RAP1GDS1: variants seen among roughly 807,000 people sequenced by gnomAD.
RAP1GDS1 encodes the protein RAP1, GTP-GDP dissociation stimulator 1.
Under a neutral mutation model 71.1 loss-of-function variants are expected in RAP1GDS1, and 35 were observed. That is an observed-to-expected ratio of 0.49 (90% CI 0.38 to 0.65). The LOEUF is 0.65. Ranked by LOEUF, RAP1GDS1 falls within the 30% of genes least tolerant of loss-of-function variation. RAP1GDS1 has a pLI of 0.00. For missense variants in RAP1GDS1, 663 were observed against 706.1 expected, an observed-to-expected ratio of 0.94 and a Z score of 0.69; for synonymous variants, 229 against 243.1, an observed-to-expected ratio of 0.94 and a Z score of 0.54.
chr4:98,379,301 A>G lies in RAP1GDS1; in HGVS notation c.508+138A>G, dbSNP rs538066994. On this transcript the variant is annotated intron_variant, in intron 5 of 14. Transcript: ENST00000408927. The stretch of plus-strand genomic sequence containing the variant: ...CATATAAAATTAATAATTAGCCAAC[A>G]TTAAATTTCAATGTTTCAAAAATGT... 35 of 915,014 alleles carry G rather than the reference A, an allele frequency of 3.8e-5. 1 individual carries two copies. In the South Asian group the frequency reaches 9.2e-4, roughly 24 times the overall value. 56.7% of individuals were successfully genotyped at this position (915,014 alleles called of 1,614,324 possible).
At chr4:98,429,921 A>G (rs1487034255) in intron 12 of RAP1GDS1, among the ~76,000 whole-genome samples, 1 of 152,016 alleles carries the variant, frequency 6.6e-6, no homozygotes, top group Non-Finnish European at 1.5e-5. Context: ...TACATAACCA[A>G]ACCATTCATG....
intron 1 of RAP1GDS1, among the ~76,000 whole-genome samples, chr4:98,291,367 A>G (rs1176461848): frequency 6.6e-6 from 1 of 152,218 alleles, no homozygotes; most frequent in Non-Finnish European, 1.5e-5. Flanking sequence ...ATCTCTACTT[A>G]CTGCCTCATT....
In RAP1GDS1 at chr4:98,261,428, C is replaced by T; in HGVS notation, c.-138C>T. 1 of 726,388 alleles carries T rather than the reference C, an allele frequency of 1.4e-6. No homozygotes were observed. Among genetic ancestry groups the T allele is most frequent in the Middle Eastern group, 4.6e-4 (1 of 2,186 alleles). The allele number at this position is 726,388 out of a possible 1,614,324, so 45.0% of individuals were successfully genotyped here. ...GCGCCGCCTGCAGCAGCACCAGCTG[C>T]TCCTCCCCGGCGGCCGCCCCCCGCG... On this transcript the variant is annotated 5_prime_UTR_variant, in exon 1 of 15. Transcript: ENST00000408927.
At chr4:98,333,974 C>T (rs1479587251) in intron 2 of RAP1GDS1, among the ~76,000 whole-genome samples, 1 of 152,094 alleles carries the variant, frequency 6.6e-6, no homozygotes, top group African/African-American at 2.4e-5. Flanking sequence ...AAATATAATC[C>T]TGTCTGACCA....
At chr4:98,418,550 T>TA in intron 9 of RAP1GDS1, 107 bp from the exon 10 acceptor site, 1 of 999,264 alleles carries the variant, frequency 1.0e-6, no homozygotes, top group Non-Finnish European at 1.3e-6. Flanking sequence ...TTCATTTTAT[T>TA]GTATAGCTCC....
chr4:98,437,790 T>C (rs1751346574), intron 14 of RAP1GDS1, among the ~76,000 whole-genome samples: 1 of 133,358 alleles, frequency 7.5e-6, no homozygotes, highest in Non-Finnish European at 1.6e-5. Context: ...AGACTCTGTC[T>C]CAAAAAAAAA....
At chr4:98,385,261 AT>A (rs919379177) in intron 5 of RAP1GDS1, among the ~76,000 whole-genome samples, 41 of 151,806 alleles carry the variant, frequency 2.7e-4, no homozygotes, top group African/African-American at 9.9e-4. Flanking sequence ...GCTTACCTAT[AT>A]TTAAAAATAA....
chr4:98,400,678 G>A (rs1180758420), intron 6 of RAP1GDS1, among the ~76,000 whole-genome samples: 1 of 152,058 alleles, frequency 6.6e-6, no homozygotes, highest in Non-Finnish European at 1.5e-5. Flanking sequence ...GATAACTATC[G>A]TTGACAATAA....
intron 1 of RAP1GDS1, among the ~76,000 whole-genome samples, chr4:98,288,558 T>G (rs1046799005): frequency 3.3e-5 from 5 of 152,154 alleles, no homozygotes; most frequent in East Asian, 1.9e-4. Context: ...GTAATGGGAT[T>G]GCTGGGTCAA....
At chr4:98,351,526 T>C (rs1043854047) in intron 3 of RAP1GDS1, among the ~76,000 whole-genome samples, 17 of 152,272 alleles carry the variant, frequency 1.1e-4, no homozygotes, top group Non-Finnish European at 1.8e-4. Context: ...GTGATTTTTT[T>C]AGTAGGACAG....
At chr4:98,432,774 G>T (rs1314905844) in intron 12 of RAP1GDS1, among the ~76,000 whole-genome samples, 3 of 152,010 alleles carry the variant, frequency 2.0e-5, no homozygotes, top group Non-Finnish European at 2.9e-5. Flanking sequence ...TGAAAATAGA[G>T]AAAATTATTT....
chr4:98,371,423 A>G (rs1740367919), intron 4 of RAP1GDS1, among the ~76,000 whole-genome samples: 1 of 151,758 alleles, frequency 6.6e-6, no homozygotes, highest in Non-Finnish European at 1.5e-5. Flanking sequence ...TTGTTGAATT[A>G]ACCCTTTTGT....
chr4:98,310,591 C>A (rs988882268), intron 2 of RAP1GDS1, among the ~76,000 whole-genome samples: 9 of 152,116 alleles, frequency 5.9e-5, no homozygotes, highest in Non-Finnish European at 1.3e-4. Context: ...ACCAGAAGTA[C>A]TGCATGTAAA....
chr4:98,300,185 T>G (rs1214816556), intron 2 of RAP1GDS1, among the ~76,000 whole-genome samples: 1 of 152,140 alleles, frequency 6.6e-6, no homozygotes, highest in Non-Finnish European at 1.5e-5. Flanking sequence ...CCACCTAACC[T>G]TCAGCAACCA....
intron 2 of RAP1GDS1, among the ~76,000 whole-genome samples, chr4:98,326,804 G>A (rs1217922433): frequency 6.6e-6 from 1 of 152,112 alleles, no homozygotes; most frequent in African/African-American, 2.4e-5. Context: ...GTGAGCCATG[G>A]TGATTTTGGT....
chr4:98,426,468 A>G (rs779903301), intron 12 of RAP1GDS1, among the ~76,000 whole-genome samples: 1 of 152,094 alleles, frequency 6.6e-6, no homozygotes, highest in Non-Finnish European at 1.5e-5. Flanking sequence ...TAAGATTGAT[A>G]GACCATAACC....
intron 5 of RAP1GDS1, among the ~76,000 whole-genome samples, chr4:98,388,336 A>T (rs1743073648): frequency 6.6e-6 from 1 of 152,152 alleles, no homozygotes; most frequent in East Asian, 1.9e-4. Context: ...CCAAGCTTTT[A>T]TCTAATTTTT....
intron 2 of RAP1GDS1, among the ~76,000 whole-genome samples, chr4:98,323,600 A>T: frequency 7.4e-6 from 1 of 135,246 alleles, no homozygotes; most frequent in Non-Finnish European, 1.6e-5. Flanking sequence ...CATCCCTGGG[A>T]TGCAAGGCTG....
intron 14 of RAP1GDS1, chr4:98,441,266 C>G: frequency 1.2e-6 from 1 of 869,524 alleles, no homozygotes; most frequent in Non-Finnish European, 1.4e-6. Context: ...TTCACTCATC[C>G]CATATAACAG....
Sources: gnomAD v4.1 joint callset for allele counts (sites outside exome capture counted in the v4.1 genomes callset) on GRCh38, gnomAD v4.1.1 for gene constraint, MANE v1.5 for transcripts, NCBI Gene and HGNC (gene_info 2026-07-23, HGNC 2026-07-21) for gene names.